The following NIPAL2 variants were observed in gnomAD, a reference collection of about 807,000 sequenced individuals.
The protein encoded by NIPAL2 is NIPA-like protein 2.
In NIPAL2, 43 loss-of-function variants were observed where a neutral mutation model predicts 48.9. The ratio of observed to expected loss-of-function variants is 0.88; its 90% CI spans 0.69 to 1.13. The LOEUF is 1.13. Ranked by LOEUF, NIPAL2 falls within the 50% of genes most tolerant of loss-of-function variation. The pLI is 0.00. For synonymous variants in NIPAL2, 167 were observed against 174.6 expected, an observed-to-expected ratio of 0.96 and a Z score of 0.34; for missense variants, 446 against 461.4, an observed-to-expected ratio of 0.97 and a Z score of 0.31.
At chr8:98,288,309 C>A (rs561658266) in intron 1 of NIPAL2, among the ~76,000 whole-genome samples, 1 of 148,240 alleles carries the variant, frequency 6.7e-6, no homozygotes, top group Non-Finnish European at 1.5e-5. Flanking sequence ...TTTGTTCTTG[C>A]GATAGTTTAC....
chr8:98,195,764 C>G, intron 9 of NIPAL2, 178 bp downstream of exon 9: 1 of 490,742 alleles, frequency 2.0e-6, no homozygotes, highest in Non-Finnish European at 3.7e-6. Flanking sequence ...AGTCACAAAG[C>G]CAAAGACGCT....
Position 98,200,641 on chromosome 8 carries a change from G to A in NIPAL2, c.880+2467C>T, listed in dbSNP as rs372577576. 3.2e-4 allele frequency among the ~76,000 whole-genome samples: 49 copies of A among 152,132 alleles called. 3 individuals are homozygous for A. In the East Asian group the frequency reaches 3.5e-3, roughly 11 times the overall value. ...ACCTTGCTTTTAATTCTCTTGCCTAGAAGTGAAATTACTAGATCATATGGT... is the reference window on the plus strand; with the variant it reads ...ACCTTGCTTTTAATTCTCTTGCCTAAAAGTGAAATTACTAGATCATATGGT... On this transcript the variant is annotated intron_variant, in intron 8 of 10. Coordinates refer to ENST00000430223, the MANE Select transcript of NIPAL2 (RefSeq NM_001321635.2).
chr8:98,249,946 G>A (rs1182878876), intron 3 of NIPAL2, among the ~76,000 whole-genome samples: 3 of 151,780 alleles, frequency 2.0e-5, no homozygotes, highest in South Asian at 2.1e-4. Flanking sequence ...ATGTTTACCC[G>A]CACAGTCTCT....
intron 1 of NIPAL2, among the ~76,000 whole-genome samples, chr8:98,281,415 C>A (rs1185777114): frequency 2.0e-5 from 3 of 151,972 alleles, no homozygotes; most frequent in Admixed American, 2.0e-4. Flanking sequence ...TGAGTAAGAT[C>A]AACTATTTGA....
intron 5 of NIPAL2, among the ~76,000 whole-genome samples, chr8:98,215,292 T>C (rs180802573): frequency 2.0e-4 from 31 of 152,362 alleles, no homozygotes; most frequent in Non-Finnish European, 2.8e-4. Flanking sequence ...TGGTTCTGCC[T>C]TGTGGCAAGA....
chr8:98,224,649 C>T (rs1015212416), intron 4 of NIPAL2, among the ~76,000 whole-genome samples: 5 of 151,170 alleles, frequency 3.3e-5, no homozygotes, highest in Admixed American at 2.6e-4. Context: ...TTTGTGGGTA[C>T]GTAGGAGGTG....
chr8:98,276,179 T>G (rs1815447101), intron 1 of NIPAL2, among the ~76,000 whole-genome samples: 1 of 152,208 alleles, frequency 6.6e-6, no homozygotes, highest in East Asian at 1.9e-4. Flanking sequence ...TACAATGACA[T>G]GTATCCACCA....
intron 1 of NIPAL2, among the ~76,000 whole-genome samples, chr8:98,263,913 A>T (rs1814533150): frequency 7.5e-6 from 1 of 132,810 alleles, no homozygotes; most frequent in African/African-American, 2.9e-5. Context: ...CCAGCAGCAC[A>T]TCAAAAAGCT....
intron 3 of NIPAL2, among the ~76,000 whole-genome samples, chr8:98,241,829 CTCTT>C (rs569891301): frequency 1.4e-5 from 2 of 141,486 alleles, no homozygotes; most frequent in South Asian, 4.6e-4. Context: ...GAATAATTAA[CTCTT>C]TCTATCCTCC....
At position 98,285,259 on chromosome 8, in the gene NIPAL2, G is replaced by C. The variant is rs542779464; in HGVS notation, c.135+8744C>G. On this transcript the variant is annotated intron_variant, in intron 1 of 10. Coordinates refer to ENST00000430223, the MANE Select transcript of NIPAL2 (RefSeq NM_001321635.2). The stretch of plus-strand genomic sequence containing the variant: ...ACAAAAATCCATAGGAGGAGGACTT[G>C]AGCCCACCTGTGGGGACATTGCTGT... Among the ~76,000 whole-genome samples the C allele has an allele frequency of 2.0e-4, 30 of 152,290 alleles. No homozygotes were observed. In the South Asian group the frequency reaches 6.2e-3, roughly 32 times the overall value.
chr8:98,257,897 C>T (rs991984142), intron 1 of NIPAL2, among the ~76,000 whole-genome samples: 17 of 150,184 alleles, frequency 1.1e-4, no homozygotes, highest in Admixed American at 2.7e-4. Flanking sequence ...CCTTTCTAGA[C>T]GGAACCAATG....
intron 10 of NIPAL2, among the ~76,000 whole-genome samples, chr8:98,194,423 G>A (rs1810449524): frequency 6.6e-6 from 1 of 152,002 alleles, no homozygotes; most frequent in South Asian, 2.1e-4. Context: ...TCTGCTGCTG[G>A]TAGTCATTGC....
chr8:98,219,798 C>T (rs116933178), intron 5 of NIPAL2, among the ~76,000 whole-genome samples: 1,820 of 152,260 alleles, frequency 0.012, 15 homozygotes, highest in Non-Finnish European at 0.018. Context: ...ACAAATCTGA[C>T]CGGTGAGCCC....
chr8:98,228,976 C>T (rs1812309763), intron 4 of NIPAL2, among the ~76,000 whole-genome samples: 1 of 152,162 alleles, frequency 6.6e-6, no homozygotes, highest in Admixed American at 6.5e-5. Flanking sequence ...GTTTTCTACC[C>T]ACAGCTAGCC....
At chr8:98,281,443 T>C (rs1202651429) in intron 1 of NIPAL2, among the ~76,000 whole-genome samples, 1 of 152,122 alleles carries the variant, frequency 6.6e-6, no homozygotes, top group Non-Finnish European at 1.5e-5. Flanking sequence ...ACAGGGTGAC[T>C]ACAGCCAATA....
intron 3 of NIPAL2, among the ~76,000 whole-genome samples, chr8:98,241,028 A>G (rs1030643464): frequency 3.3e-5 from 5 of 152,264 alleles, no homozygotes; most frequent in Non-Finnish European, 5.9e-5. Flanking sequence ...TACTAGAAAT[A>G]AGAGTGCATG....
intron 5 of NIPAL2, among the ~76,000 whole-genome samples, chr8:98,220,054 TA>T (rs1027153063): frequency 3.6e-4 from 55 of 151,930 alleles, no homozygotes; most frequent in African/African-American, 1.3e-3. Flanking sequence ...TTTTTTTTTT[TA>T]AACAGAGAAA....
At chr8:98,199,092 G>A (rs376270946) in intron 8 of NIPAL2, among the ~76,000 whole-genome samples, 2 of 151,824 alleles carry the variant, frequency 1.3e-5, no homozygotes, top group African/African-American at 4.8e-5. Flanking sequence ...AAGTAGCTGC[G>A]ATTACAGTCA....
intron 3 of NIPAL2, among the ~76,000 whole-genome samples, chr8:98,250,922 A>C (rs1353799531): frequency 2.0e-5 from 3 of 152,112 alleles, no homozygotes; most frequent in Non-Finnish European, 4.4e-5. Flanking sequence ...AGTGCTGAAA[A>C]CTGCCCCATT....
Sources: gnomAD v4.1 joint callset for allele counts (sites outside exome capture counted in the v4.1 genomes callset) on GRCh38, gnomAD v4.1.1 for gene constraint, MANE v1.5 for transcripts, NCBI Gene and HGNC (gene_info 2026-07-23, HGNC 2026-07-21) for gene names.